Variants in CDC42BPB observed in about 807,000 individuals in gnomAD.
CDC42BPB encodes serine/threonine-protein kinase MRCK beta.
In CDC42BPB, 37 loss-of-function variants were observed where a neutral mutation model predicts 214.9. The ratio of observed to expected loss-of-function variants is 0.17; its 90% CI spans 0.13 to 0.23. The LOEUF is 0.23. Ranked by LOEUF, CDC42BPB falls within the 10% of genes least tolerant of loss-of-function variation. CDC42BPB has a pLI of 1.00. For missense variants in CDC42BPB, 1,694 were observed against 2,227.0 expected, an observed-to-expected ratio of 0.76 and a Z score of 4.82; for synonymous variants, 931 against 884.0, an observed-to-expected ratio of 1.05 and a Z score of -0.94.
chr14:102,982,761 A>C (rs1276126451), intron 7 of CDC42BPB, among the ~76,000 whole-genome samples: 2 of 151,388 alleles, frequency 1.3e-5, no homozygotes, highest in African/African-American at 4.9e-5. Context: ...ACTCCGTCTC[A>C]AAAAAAAAGA....
chr14:102,970,030 G>A, intron 14 of CDC42BPB, 121 bp downstream of exon 14: 1 of 754,358 alleles, frequency 1.3e-6, no homozygotes. Context: ...GGTCTTGTCT[G>A]AACAGCCTCG....
At chr14:103,028,753 T>C (rs1021502340) in intron 1 of CDC42BPB, among the ~76,000 whole-genome samples, 11 of 152,364 alleles carry the variant, frequency 7.2e-5, no homozygotes, top group African/African-American at 2.4e-4. Context: ...CTCTCCTATC[T>C]AAATACAAGT....
intron 1 of CDC42BPB, among the ~76,000 whole-genome samples, chr14:103,056,674 G>T (rs567899268): frequency 2.6e-5 from 4 of 151,752 alleles, no homozygotes; most frequent in Admixed American, 6.6e-5. Flanking sequence ...GGCCCGGCGG[G>T]GGGGAGGGGG....
intron 1 of CDC42BPB, among the ~76,000 whole-genome samples, chr14:103,037,934 CAGG>C (rs1184656572): frequency 2.0e-5 from 3 of 151,452 alleles, no homozygotes; most frequent in African/African-American, 7.3e-5. Flanking sequence ...GAGGCTGAGG[CAGG>C]AGAATGGTGT....
chr14:102,976,006 T>G lies in CDC42BPB; in HGVS notation c.1264A>C (p.Asn422His). 1 of 1,614,248 alleles carries G rather than the reference T, an allele frequency of 6.2e-7. No homozygotes were observed. The highest frequency in any genetic ancestry group is 8.5e-7 in the Non-Finnish European group (1 of 1,180,044). Residue 422 changes from asparagine to histidine, a missense_variant, in exon 10 of 37, where the codon AAC (asparagine) becomes CAC (histidine). Asn to His is a moderately conservative substitution (Grantham distance 68). Around this residue, in one of 7 missense-constraint regions of CDC42BPB, gnomAD observed 462 missense variants for 513.5 expected, o/e 0.90. Coordinates refer to ENST00000361246, the MANE Select transcript of CDC42BPB (RefSeq NM_006035.4). ...RGSLKSIMQS[N>H]TLTKDEDVQR... ...ACATCCTCATCTTTGGTTAATGTGT[T>G]GGACTGCATTATGCTCTTCAGAGAG...
intron 36 of CDC42BPB, among the ~76,000 whole-genome samples, chr14:102,937,463 T>C (rs1468337845): frequency 6.6e-6 from 1 of 152,240 alleles, no homozygotes; most frequent in South Asian, 2.1e-4. Context: ...GGGGCTGAGA[T>C]GTGTGGTGGA....
chr14:103,036,114 G>A (rs1466482302), intron 1 of CDC42BPB, among the ~76,000 whole-genome samples: 2 of 150,784 alleles, frequency 1.3e-5, no homozygotes, highest in Non-Finnish European at 3.0e-5. Context: ...TCATGCCACT[G>A]TACTTCTGTC....
chr14:102,940,176 A>G, intron 31 of CDC42BPB, 46 bp from the exon 32 acceptor site: 3 of 1,613,540 alleles, frequency 1.9e-6, no homozygotes, highest in Non-Finnish European at 2.5e-6. Flanking sequence ...CCACGCACAG[A>G]CTGCACCGGG....
At chr14:102,997,555 G>C (rs887362364) in intron 5 of CDC42BPB, among the ~76,000 whole-genome samples, 1 of 152,230 alleles carries the variant, frequency 6.6e-6, no homozygotes, top group Non-Finnish European at 1.5e-5. Flanking sequence ...CAACGTGGAA[G>C]AGAGGAGGGG....
chr14:102,993,863 A>G (rs1894606771), intron 5 of CDC42BPB, among the ~76,000 whole-genome samples: 1 of 152,206 alleles, frequency 6.6e-6, no homozygotes, highest in African/African-American at 2.4e-5. Context: ...GGATAATTAC[A>G]CTACTTTATT....
chr14:102,975,597 C>T (rs1824082470), intron 11 of CDC42BPB, 87 bp downstream of exon 11: 1 of 1,357,382 alleles, frequency 7.4e-7, no homozygotes, highest in African/African-American at 1.5e-5. Flanking sequence ...TCTGCTTTCC[C>T]ACTTTATGAA....
intron 19 of CDC42BPB, among the ~76,000 whole-genome samples, chr14:102,964,133 T>C (rs1566862307): frequency 1.3e-5 from 2 of 152,156 alleles, no homozygotes; most frequent in Non-Finnish European, 2.9e-5. Context: ...AAAGGAACAA[T>C]CTTGAATTAG....
intron 6 of CDC42BPB, 143 bp downstream of exon 6, chr14:102,986,344 G>GA (rs1454569130): frequency 6.9e-6 from 4 of 580,730 alleles, no homozygotes; most frequent in African/African-American, 1.9e-5. Flanking sequence ...TCCCCAAACA[G>GA]AAAATTTCAA....
chr14:102,947,695 T>G, intron 27 of CDC42BPB, 26 bp downstream of exon 27: 1 of 1,576,764 alleles, frequency 6.3e-7, no homozygotes, highest in Non-Finnish European at 8.7e-7. Flanking sequence ...TGTGCTTTGT[T>G]AAAAAGATTA....
chr14:103,001,649 C>T lies in CDC42BPB; in HGVS notation c.448-1936G>A, dbSNP rs373195264. Among the ~76,000 whole-genome samples, 2 of 152,246 alleles carry T rather than the reference C, an allele frequency of 1.3e-5. No individual in the cohort carries two copies. The highest frequency in any genetic ancestry group is 3.9e-4 in the East Asian group (2 of 5,180). ...CCGAGGTGCCACTGCGTGTGGAGGG[C>T]GATGCAGAGGGGGCGGTGGATGCAC... On this transcript the variant is annotated intron_variant, in intron 4 of 36. Transcript: ENST00000361246. This position sits in a 1 kb window ranked among gnomAD's most constrained non-coding sequence, Gnocchi z 5.8.
Position 102,940,342 on chromosome 14 carries a change from G to C in CDC42BPB, c.4409-18C>G, listed in dbSNP as rs1379780369. The C allele has an allele frequency of 3.9e-6, 6 of 1,555,748 alleles. No individual in the cohort carries two copies. Among genetic ancestry groups the C allele is most frequent in the Admixed American group, 3.9e-5 (2 of 51,396 alleles). ...GCTGCAACCTAGCGCAGACGGAGCA[G>C]GGCGGGGTGAGCCACAGTGGCTCAG... On this transcript the variant is annotated intron_variant, in intron 30 of 36. Coordinates refer to ENST00000361246, the MANE Select transcript of CDC42BPB (RefSeq NM_006035.4).
chr14:103,033,020 C>T (rs1327400503), intron 1 of CDC42BPB, among the ~76,000 whole-genome samples: 1 of 151,396 alleles, frequency 6.6e-6, no homozygotes, highest in Non-Finnish European at 1.5e-5. Flanking sequence ...ATTATTATGG[C>T]TATGTTTTTA....
chr14:103,044,667 C>A (rs1024617447), intron 1 of CDC42BPB, among the ~76,000 whole-genome samples: 2 of 151,832 alleles, frequency 1.3e-5, no homozygotes, highest in African/African-American at 4.8e-5. Context: ...CCACGCCTGG[C>A]CCTAATTTTT....
chr14:102,958,877 T>G (rs1281558263), intron 21 of CDC42BPB, among the ~76,000 whole-genome samples: 1 of 151,938 alleles, frequency 6.6e-6, no homozygotes, highest in Non-Finnish European at 1.5e-5. Flanking sequence ...CTCGCTATAT[T>G]GCCCAGGCTC....
Sources: gnomAD v4.1 joint callset for allele counts (sites outside exome capture counted in the v4.1 genomes callset) on GRCh38, gnomAD v4.1.1 for gene constraint, gnomAD v4.1.1 regional missense constraint, Gnocchi (gnomAD v3.1) non-coding constraint, MANE v1.5 for transcripts, NCBI Gene and HGNC (gene_info 2026-07-23, HGNC 2026-07-21) for gene names.